CTNNBL1: variants seen among roughly 807,000 people sequenced by gnomAD.
The protein encoded by CTNNBL1 is catenin beta like 1, also known as beta-catenin-like protein 1.
A neutral mutation model predicts 72.7 loss-of-function variants in CTNNBL1; 31 were observed. That is an observed-to-expected ratio of 0.43 (90% CI 0.32 to 0.58). CTNNBL1 has a LOEUF of 0.58. Ranked by LOEUF, CTNNBL1 falls within the 20% of genes least tolerant of loss-of-function variation. The pLI, the probability that CTNNBL1 is intolerant of heterozygous loss-of-function variation, is 0.08. For synonymous variants in CTNNBL1, 240 were observed against 267.3 expected (o/e 0.90, Z 1.00); for missense variants, 534 against 725.1 (o/e 0.74, Z 3.03).
intron 10 of CTNNBL1, 135 bp from the exon 11 acceptor site, chr20:37,802,729 GTCT>G: frequency 1.6e-6 from 1 of 631,830 alleles, no homozygotes. Context: ...TATTGTAGAC[GTCT>G]TCTCCTAATT....
At position 37,810,392 on chromosome 20, in the gene CTNNBL1, C is replaced by T. The variant is rs2072000030; in HGVS notation, c.1213+7344C>T. On this transcript the variant is annotated intron_variant, in intron 11 of 15. Transcript: ENST00000361383. Reference sequence around the variant, plus strand: ...GCAAGAGCAAGACTTGCTTCATTCCCACCAGACTACATTAATCCCTTTGTG... The same window carrying T: ...GCAAGAGCAAGACTTGCTTCATTCCTACCAGACTACATTAATCCCTTTGTG... Among the ~76,000 whole-genome samples, 3 of 152,304 alleles carry T rather than the reference C, an allele frequency of 2.0e-5. No homozygotes were observed. In the South Asian group the frequency reaches 6.2e-4, roughly 32 times the overall value.
intron 1 of CTNNBL1, among the ~76,000 whole-genome samples, chr20:37,707,564 G>A (rs2072897759): frequency 6.6e-6 from 1 of 152,210 alleles, no homozygotes; most frequent in African/African-American, 2.4e-5. Context: ...TCTGGATTAG[G>A]CTTGGCTCAA....
chr20:37,834,788 A>T (rs993897193), intron 11 of CTNNBL1, among the ~76,000 whole-genome samples: 3 of 152,216 alleles, frequency 2.0e-5, no homozygotes, highest in Admixed American at 6.5e-5. Flanking sequence ...GGAGATGTGG[A>T]TAGTACCTTT....
At chr20:37,860,394 T>A in intron 15 of CTNNBL1, 50 bp downstream of exon 15, 1 of 1,405,320 alleles carries the variant, frequency 7.1e-7, no homozygotes, top group Non-Finnish European at 1.0e-6. Context: ...TAGATGATGC[T>A]TACTTTCTGA....
At chr20:37,856,860 C>T (rs887749684) in intron 13 of CTNNBL1, among the ~76,000 whole-genome samples, 2 of 152,110 alleles carry the variant, frequency 1.3e-5, no homozygotes, top group African/African-American at 4.8e-5. Context: ...CAGGGCTTCC[C>T]TTACCTCCAT....
intron 10 of CTNNBL1, among the ~76,000 whole-genome samples, chr20:37,793,468 G>A (rs948736262): frequency 6.6e-6 from 1 of 152,064 alleles, no homozygotes; most frequent in African/African-American, 2.4e-5. Flanking sequence ...TAGTGCTAAC[G>A]CATGGTATCT....
At chr20:37,782,671 C>G (rs1223792459) in intron 10 of CTNNBL1, among the ~76,000 whole-genome samples, 1 of 152,044 alleles carries the variant, frequency 6.6e-6, no homozygotes, top group African/African-American at 2.4e-5. Flanking sequence ...AACATGTAAT[C>G]AATATGACAA....
chr20:37,724,628 G>C (rs1183874028), intron 1 of CTNNBL1, among the ~76,000 whole-genome samples: 1 of 152,138 alleles, frequency 6.6e-6, no homozygotes, highest in Non-Finnish European at 1.5e-5. Context: ...ACTTAAGATA[G>C]ATGACTGGGT....
intron 1 of CTNNBL1, among the ~76,000 whole-genome samples, chr20:37,704,016 A>G (rs933088089): frequency 1.3e-5 from 2 of 152,058 alleles, no homozygotes; most frequent in East Asian, 1.9e-4. Context: ...ACCTCAGGTG[A>G]TCCACCTGTC....
intron 5 of CTNNBL1, among the ~76,000 whole-genome samples, chr20:37,761,984 C>T (rs2073421644): frequency 1.3e-5 from 2 of 152,166 alleles, no homozygotes; most frequent in South Asian, 4.1e-4. Context: ...CCACGCTGGG[C>T]TCTGTGGGCC....
At chr20:37,817,243 G>A (rs746047958) in intron 11 of CTNNBL1, among the ~76,000 whole-genome samples, 2 of 152,122 alleles carry the variant, frequency 1.3e-5, no homozygotes, top group Admixed American at 6.5e-5. Flanking sequence ...AATCACCAAG[G>A]CAACAATCCA....
intron 9 of CTNNBL1, 39 bp from the exon 10 acceptor site, chr20:37,779,148 T>C: frequency 6.2e-7 from 1 of 1,605,854 alleles, no homozygotes; most frequent in South Asian, 1.1e-5. Flanking sequence ...AAAGACATTC[T>C]CTTATAGCTC....
chr20:37,850,712 C>T (rs1462420593), intron 13 of CTNNBL1, among the ~76,000 whole-genome samples: 1 of 152,182 alleles, frequency 6.6e-6, no homozygotes. Context: ...ACTTCCCTCT[C>T]CCGTGGTTCA....
chr20:37,738,571 T>C (rs964995578), intron 3 of CTNNBL1, among the ~76,000 whole-genome samples: 1 of 152,220 alleles, frequency 6.6e-6, no homozygotes, highest in Non-Finnish European at 1.5e-5. Context: ...AATCTTAATA[T>C]GCCCAAGGCC....
At chr20:37,765,477 CT>C (rs2073458921) in intron 6 of CTNNBL1, among the ~76,000 whole-genome samples, 187 bp downstream of exon 6, 1 of 152,172 alleles carries the variant, frequency 6.6e-6, no homozygotes. Flanking sequence ...TTTGGTTTGG[CT>C]TGTAGGTAAT....
At chr20:37,841,510 G>A (rs1035325033) in intron 12 of CTNNBL1, among the ~76,000 whole-genome samples, 2 of 152,158 alleles carry the variant, frequency 1.3e-5, no homozygotes, top group Non-Finnish European at 2.9e-5. Context: ...AAGAAGGTTT[G>A]ACCACAGTCT....
chr20:37,780,110 G>A (rs2122693471), intron 10 of CTNNBL1, among the ~76,000 whole-genome samples: 1 of 149,950 alleles, frequency 6.7e-6, no homozygotes, highest in Admixed American at 6.7e-5. Context: ...GAAGATTCTA[G>A]TCATTATGAA....
chr20:37,708,319 G>A (rs373122260), intron 1 of CTNNBL1, among the ~76,000 whole-genome samples: 1 of 151,856 alleles, frequency 6.6e-6, no homozygotes, highest in Non-Finnish European at 1.5e-5. Flanking sequence ...CTACAGGTGT[G>A]TGCCACCATG....
At chr20:37,806,117 C>T (rs1031715592) in intron 11 of CTNNBL1, among the ~76,000 whole-genome samples, 1 of 152,324 alleles carries the variant, frequency 6.6e-6, no homozygotes, top group East Asian at 1.9e-4. Flanking sequence ...TAAGTTTTAA[C>T]TCTGTCACAT....
Sources: gnomAD v4.1 joint callset for allele counts (sites outside exome capture counted in the v4.1 genomes callset) on GRCh38, gnomAD v4.1.1 for gene constraint, MANE v1.5 for transcripts, NCBI Gene and HGNC (gene_info 2026-07-23, HGNC 2026-07-21) for gene names.